The following CACNA2D2 variants were observed in gnomAD, a reference collection of about 807,000 sequenced individuals.
The protein encoded by CACNA2D2 is voltage-dependent calcium channel subunit alpha-2/delta-2.
In CACNA2D2, 48 loss-of-function variants were observed where a neutral mutation model predicts 166.4. The observed-to-expected ratio is 0.29, with a 90% CI of 0.23 to 0.37. The LOEUF (loss-of-function observed/expected upper bound fraction) is 0.37, where lower values mean the gene tolerates loss of function less well. Ranked by LOEUF, CACNA2D2 falls within the 10% of genes least tolerant of loss-of-function variation. The pLI is 1.00. For missense variants in CACNA2D2, 1,122 were observed against 1,433.0 expected, an observed-to-expected ratio of 0.78 and a Z score of 3.50; for synonymous variants, 561 against 573.7, an observed-to-expected ratio of 0.98 and a Z score of 0.32.
intron 2 of CACNA2D2, among the ~76,000 whole-genome samples, chr3:50,468,379 TAGTGTGTGTGTGTGTGTGTGTGTGTGTG>T (rs548914264): frequency 0.014 from 968 of 68,914 alleles, 8 homozygotes; most frequent in African/African-American, 0.044. Flanking sequence ...TTCATCAGAA[TAGTGTGTGTGTGTGTGTGTGTGTGTGTG>T]TGTGTGTGTG....
intron 2 of CACNA2D2, among the ~76,000 whole-genome samples, chr3:50,464,027 C>G (rs1709707934): frequency 6.6e-6 from 1 of 152,206 alleles, no homozygotes; most frequent in African/African-American, 2.4e-5. Context: ...CATGGGAGCT[C>G]CTCAAAAGGC....
intron 2 of CACNA2D2, among the ~76,000 whole-genome samples, chr3:50,437,645 T>C (rs943024013): frequency 6.6e-6 from 1 of 152,086 alleles, no homozygotes; most frequent in Non-Finnish European, 1.5e-5. Flanking sequence ...CAGCAGATGG[T>C]CCCATCCTGG....
At chr3:50,384,852 G>C (rs770464785) in intron 5 of CACNA2D2, among the ~76,000 whole-genome samples, 2 of 152,342 alleles carry the variant, frequency 1.3e-5, no homozygotes, top group East Asian at 1.9e-4. Context: ...ATCTAAGGCA[G>C]GGCACTATCC....
At chr3:50,499,376 T>C (rs1321005135) in intron 1 of CACNA2D2, among the ~76,000 whole-genome samples, 1 of 152,202 alleles carries the variant, frequency 6.6e-6, no homozygotes, top group Admixed American at 6.5e-5. Flanking sequence ...ACATCTGGGC[T>C]TAATGCTAAT....
chr3:50,463,810 C>G (rs1342265234), intron 2 of CACNA2D2, among the ~76,000 whole-genome samples: 3 of 152,256 alleles, frequency 2.0e-5, no homozygotes, highest in African/African-American at 7.2e-5. Flanking sequence ...AGAACGAAGG[C>G]TGGGCGTGAG....
intron 22 of CACNA2D2, among the ~76,000 whole-genome samples, chr3:50,372,881 C>T (rs1704733224): frequency 6.6e-6 from 1 of 151,532 alleles, no homozygotes; most frequent in Non-Finnish European, 1.5e-5. Context: ...GGGCACAGGC[C>T]ACTGGCTCTC....
intron 2 of CACNA2D2, among the ~76,000 whole-genome samples, 153 bp downstream of exon 2, chr3:50,475,965 C>T (rs931505564): frequency 6.6e-6 from 1 of 152,224 alleles, no homozygotes; most frequent in African/African-American, 2.4e-5. Flanking sequence ...TGCTGCCCAT[C>T]CAGTCATGTC....
At chr3:50,471,240 C>A (rs1419115802) in intron 2 of CACNA2D2, among the ~76,000 whole-genome samples, 1 of 151,884 alleles carries the variant, frequency 6.6e-6, no homozygotes, top group Admixed American at 6.6e-5. Context: ...AGGGGCTGTG[C>A]CATGCTTGCC....
intron 2 of CACNA2D2, among the ~76,000 whole-genome samples, chr3:50,456,114 C>T (rs1709347317): frequency 6.6e-6 from 1 of 152,198 alleles, no homozygotes; most frequent in Non-Finnish European, 1.5e-5. Flanking sequence ...GAAATGTTAG[C>T]CCTGTTTTAC....
intron 1 of CACNA2D2, among the ~76,000 whole-genome samples, chr3:50,496,815 C>T (rs958942090): frequency 3.9e-5 from 6 of 152,194 alleles, no homozygotes; most frequent in South Asian, 2.1e-4. Flanking sequence ...TCAGTGCACA[C>T]GAAGAGGGGG....
intron 3 of CACNA2D2, among the ~76,000 whole-genome samples, chr3:50,402,992 G>C (rs73832879): frequency 0.087 from 13,258 of 152,126 alleles, 1,732 homozygotes; most frequent in African/African-American, 0.29. Context: ...CCATTCTAGA[G>C]ATATGTGTGG....
intron 6 of CACNA2D2, 113 bp from the exon 7 acceptor site, chr3:50,381,239 C>T: frequency 8.0e-7 from 1 of 1,244,412 alleles, no homozygotes; most frequent in Non-Finnish European, 1.1e-6. Context: ...CTGTTCTCGG[C>T]CTATCCAGGC....
rs1395811550 is a variant in CACNA2D2 at position 50,434,369 on chromosome 3, C to T, written c.349G>A (p.Glu117Lys). 3 of 1,614,064 alleles carry T rather than the reference C, an allele frequency of 1.9e-6. No homozygotes were observed. Among genetic ancestry groups the T allele is most frequent in the South Asian group, 2.2e-5 (2 of 91,084 alleles). Residue 117 changes from glutamate to lysine, a missense_variant, in exon 3 of 38, where the codon GAG (glutamate) becomes AAG (lysine). Glu to Lys is a moderately conservative substitution (Grantham distance 56). Coordinates refer to ENST00000424201, the MANE Select transcript of CACNA2D2 (RefSeq NM_006030.4). ...CTCTCAATGTCCCCTGCCACCTTCTCCACCAACTTCTGAGGCTCATTCTCC... is the reference window on the plus strand; with the variant it reads ...CTCTCAATGTCCCCTGCCACCTTCTTCACCAACTTCTGAGGCTCATTCTCC... Reference protein sequence around the residue: ...VQENEPQKLVEKVAGDIESLL... With the variant: ...VQENEPQKLVKKVAGDIESLL...
At chr3:50,488,433 G>A (rs1698381335) in intron 1 of CACNA2D2, among the ~76,000 whole-genome samples, 1 of 151,926 alleles carries the variant, frequency 6.6e-6, no homozygotes, top group South Asian at 2.1e-4. Context: ...ACTGGGCCCG[G>A]GTGCAGAGCC....
At chr3:50,403,613 T>A (rs1706552274) in intron 3 of CACNA2D2, among the ~76,000 whole-genome samples, 1 of 152,176 alleles carries the variant, frequency 6.6e-6, no homozygotes, top group African/African-American at 2.4e-5. Context: ...ACCTTCAGGT[T>A]TCCCCATCAA....
chr3:50,367,096 C>A lies in CACNA2D2; in HGVS notation c.2415G>T (p.Pro805=). The change falls in exon 28 of 38, where the codon CCG becomes CCT. Residue 805 remains proline (P), a synonymous_variant. Coordinates refer to ENST00000424201, the MANE Select transcript of CACNA2D2 (RefSeq NM_006030.4). The surrounding 1 kb of genome is among the most constrained non-coding windows in gnomAD (Gnocchi z 6.5). Reference sequence around the variant, plus strand: ...CCACAGTGTCATTCTCCAGCTCCAGCGGCCTTAACAGGGCTGGGGGTTGGG... The same window carrying A: ...CCACAGTGTCATTCTCCAGCTCCAGAGGCCTTAACAGGGCTGGGGGTTGGG... ...KPPHQDALLR[P]LELENDTVGI... is the part of the protein sequence containing the mutation. 6.2e-7 allele frequency: 1 copy of A among 1,613,030 alleles called. No individual in the cohort carries two copies. The highest frequency in any genetic ancestry group is 8.5e-7 in the Non-Finnish European group (1 of 1,179,624).
At chr3:50,501,329 G>A (rs1698953781) in intron 1 of CACNA2D2, among the ~76,000 whole-genome samples, 2 of 152,128 alleles carry the variant, frequency 1.3e-5, no homozygotes. Flanking sequence ...AACCCTCTGT[G>A]TTGTTGTACC....
At position 50,366,696 on chromosome 3, in the gene CACNA2D2, C is replaced by A; in HGVS notation, c.2590-71G>T. 1 of 1,594,688 alleles carries A rather than the reference C, an allele frequency of 6.3e-7. No individual in the cohort carries two copies. Among genetic ancestry groups the A allele is most frequent in the South Asian group, 1.1e-5 (1 of 90,454 alleles). ...TCCCTCCCATCACCTTTCATACATCCGGTTCCCCAGGCCATCTGCAGCTGG... is the reference window on the plus strand; with the variant it reads ...TCCCTCCCATCACCTTTCATACATCAGGTTCCCCAGGCCATCTGCAGCTGG... On this transcript the variant is annotated intron_variant, in intron 29 of 37. Transcript: ENST00000424201. This position sits in a 1 kb window ranked among gnomAD's most constrained non-coding sequence, Gnocchi z 5.9.
At chr3:50,489,568 C>T (rs755408387) in intron 1 of CACNA2D2, among the ~76,000 whole-genome samples, 27 of 145,582 alleles carry the variant, frequency 1.9e-4, no homozygotes, top group Non-Finnish European at 3.6e-4. Context: ...GCAGCAGCCC[C>T]GGAAGCGCAT....
Sources: allele counts gnomAD v4.1 joint callset (sites outside exome capture counted in the v4.1 genomes callset), GRCh38; gene constraint gnomAD v4.1.1; non-coding constraint Gnocchi (gnomAD v3.1); transcripts MANE v1.5; gene names NCBI Gene and HGNC (gene_info 2026-07-23, HGNC 2026-07-21).